The following TDRD9 variants were observed in gnomAD, a reference collection of about 807,000 sequenced individuals.
TDRD9 encodes tudor domain containing 9, also known as ATP-dependent RNA helicase TDRD9.
Under a neutral mutation model 172.6 loss-of-function variants are expected in TDRD9, and 124 were observed. The observed-to-expected ratio is 0.72, with a 90% CI of 0.62 to 0.83. The LOEUF is 0.83. TDRD9 is among the 40% of genes least tolerant of loss of function. The probability of loss-of-function intolerance (pLI) is 0.00; values close to 1 mark genes in which losing one functional copy is unlikely to be tolerated. For synonymous variants in TDRD9, 619 were observed against 617.1 expected, an observed-to-expected ratio of 1.00 and a Z score of -0.05; for missense variants, 1,479 against 1,714.1, an observed-to-expected ratio of 0.86 and a Z score of 2.42.
intron 15 of TDRD9, among the ~76,000 whole-genome samples, chr14:104,006,109 A>C (rs1184736404): frequency 1.3e-5 from 2 of 152,200 alleles, no homozygotes; most frequent in African/African-American, 4.8e-5. Flanking sequence ...AGTACTGTGC[A>C]TGCCATATTT....
At chr14:103,950,044 C>T (rs2031782250) in intron 1 of TDRD9, among the ~76,000 whole-genome samples, 1 of 19,376 alleles carries the variant, frequency 5.2e-5, no homozygotes, top group Non-Finnish European at 4.6e-4. Flanking sequence ...TCCTTCCTTC[C>T]CTTTTTTTTT....
rs368128238 is a variant in TDRD9 at position 103,982,681 on chromosome 14, G to A, written c.1012-3536G>A. ...AGCACTTTGGGAGGCCGAGGCAGGC[G>A]GATCACCTGAGGTTGGGTGTTCGAG... is the stretch of plus-strand genomic sequence containing the variant. On this transcript the variant is annotated intron_variant, in intron 7 of 35. Transcript: ENST00000409874. Among the ~76,000 whole-genome samples the A allele has an allele frequency of 1.7e-3, 257 of 152,264 alleles. 2 individuals carry two copies. Among genetic ancestry groups the A allele is most frequent in the African/African-American group, 6.0e-3 (251 of 41,560 alleles).
chr14:104,008,812 G>A (rs567666978), intron 20 of TDRD9, among the ~76,000 whole-genome samples: 5 of 152,352 alleles, frequency 3.3e-5, no homozygotes, highest in African/African-American at 1.2e-4. Flanking sequence ...TTCTGGGAAA[G>A]CTGAGGTGAG....
At chr14:103,943,565 G>GA (rs1264573787) in intron 1 of TDRD9, among the ~76,000 whole-genome samples, 97 of 144,002 alleles carry the variant, frequency 6.7e-4, no homozygotes, top group African/African-American at 2.4e-3. Context: ...TGCCCAGGCT[G>GA]GTCCGTAAAC....
At chr14:103,941,295 C>G in intron 1 of TDRD9, 1 of 993,738 alleles carries the variant, frequency 1.0e-6, no homozygotes, top group South Asian at 1.7e-5. Flanking sequence ...GACATCTACA[C>G]AGTTAAAGAA....
chr14:103,932,828 A>G (rs1448510732), intron 1 of TDRD9, among the ~76,000 whole-genome samples: 1 of 152,176 alleles, frequency 6.6e-6, no homozygotes, highest in African/African-American at 2.4e-5. Flanking sequence ...CTTAATGATT[A>G]AATCAGCTTA....
intron 5 of TDRD9, among the ~76,000 whole-genome samples, chr14:103,969,217 G>T (rs1254884838): frequency 6.6e-6 from 1 of 151,242 alleles, no homozygotes; most frequent in Non-Finnish European, 1.5e-5. Context: ...CTCCTAAGGG[G>T]CTGAGGTTAT....
intron 13 of TDRD9, among the ~76,000 whole-genome samples, chr14:103,999,646 A>AATCTTTTAATTTT (rs1566771677): frequency 8.7e-6 from 1 of 114,828 alleles, no homozygotes; most frequent in East Asian, 2.5e-4. Flanking sequence ...TTTTTAGAAA[A>AATCTTTTAATTTT]CCTTTTGGGA....
At chr14:103,943,079 C>T (rs572586653) in intron 1 of TDRD9, among the ~76,000 whole-genome samples, 3 of 151,644 alleles carry the variant, frequency 2.0e-5, no homozygotes, top group Non-Finnish European at 4.4e-5. Flanking sequence ...CTTATATTTA[C>T]TATTTAGGTG....
At chr14:104,011,050 A>G (rs1858172227) in intron 20 of TDRD9, among the ~76,000 whole-genome samples, 1 of 152,198 alleles carries the variant, frequency 6.6e-6, no homozygotes. Flanking sequence ...GTTGCCCTAC[A>G]ACAGCTATGA....
chr14:103,994,324 T>C lies in TDRD9; in HGVS notation c.1181-8T>C. On this transcript the variant is annotated splice_region_variant and splice_polypyrimidine_tract_variant and intron_variant, in intron 9 of 35. Transcript: ENST00000409874. ...TTTATTTCCCTCCTCCACTTTTTTC[T>C]TCCCTAGGTCTGGGTGAAATAAATT... The C allele has an allele frequency of 6.2e-7, 1 of 1,612,638 alleles. No individual in the cohort carries two copies. Among genetic ancestry groups the C allele is most frequent in the Non-Finnish European group, 8.5e-7 (1 of 1,178,946 alleles).
At position 104,025,792 on chromosome 14, in the gene TDRD9, A is replaced by G. The variant is rs748114793; in HGVS notation, c.2931+16A>G. 2.5e-6 allele frequency: 4 copies of G among 1,586,570 alleles called. No homozygotes were observed. The South Asian group carries it at 4.4e-5, about 18-fold the overall frequency. On this transcript the variant is annotated intron_variant, in intron 26 of 35. Coordinates refer to ENST00000409874, the MANE Select transcript of TDRD9 (RefSeq NM_153046.3). ...TTCTGCTGAGGTAGGTTTTTCTGTAACAAGTCACTGGAAGGGAAATGAGAC... is the reference window on the plus strand; with the variant it reads ...TTCTGCTGAGGTAGGTTTTTCTGTAGCAAGTCACTGGAAGGGAAATGAGAC...
rs1386317994 is a variant in TDRD9, at chr14:103,955,648, T to C, written c.216-16T>C. 2.6e-6 allele frequency: 4 copies of C among 1,540,508 alleles called. No homozygotes were observed. In the African/African-American group the frequency reaches 4.1e-5, roughly 16 times the overall value. ...CTTTTTGGAAATAGTATACTAACTT[T>C]TACTATTCTTTTCAGGTCACTCAGC... On this transcript the variant is annotated splice_polypyrimidine_tract_variant and intron_variant, in intron 1 of 35. Transcript: ENST00000409874.
In TDRD9 at chr14:103,928,683, T is replaced by C; in HGVS notation, c.174T>C (p.Ala58=). 2 of 1,218,620 alleles carry C rather than the reference T, an allele frequency of 1.6e-6. No homozygotes were observed. Among genetic ancestry groups the C allele is most frequent in the Non-Finnish European group, 2.1e-6 (2 of 970,068 alleles). 75.5% of individuals were successfully genotyped at this position (1,218,620 alleles called of 1,614,324 possible). Reference sequence around the variant, plus strand: ...CTGGTCCCGCGGCCCAGGCTCCGGCTCTGGCCCAAGCTCCGGCCCGGCCGG... The same window carrying C: ...CTGGTCCCGCGGCCCAGGCTCCGGCCCTGGCCCAAGCTCCGGCCCGGCCGG... ...PGAGPAAQAP[A]LAQAPARPAA... The change falls in exon 1 of 36, where the codon GCT becomes GCC. Residue 58 remains alanine, a synonymous_variant. Transcript: ENST00000409874.
chr14:104,047,012 G>A (rs1312378731), intron 34 of TDRD9, among the ~76,000 whole-genome samples: 1 of 152,130 alleles, frequency 6.6e-6, no homozygotes, highest in African/African-American at 2.4e-5. Context: ...TTTTGGATCA[G>A]CTTGTCAGTT....
chr14:104,036,289 A>C (rs940454042), intron 32 of TDRD9, among the ~76,000 whole-genome samples: 27 of 152,292 alleles, frequency 1.8e-4, no homozygotes, highest in Admixed American at 5.2e-4. Flanking sequence ...TTATACATGC[A>C]CTTGTTTCTG....
chr14:104,032,150 C>A, intron 30 of TDRD9, 63 bp downstream of exon 30: 2 of 991,944 alleles, frequency 2.0e-6, no homozygotes, highest in Non-Finnish European at 1.5e-6. Flanking sequence ...TAGATCTCAT[C>A]AGAAAATAAT....
chr14:103,986,256 G>T lies in TDRD9; in HGVS notation c.1051G>T (p.Asp351Tyr). Residue 351 changes from aspartate to tyrosine, a missense_variant, in exon 8 of 36, where the codon GAT (aspartate) becomes TAT (tyrosine). This residue lies in a region of TDRD9 where 1,413 missense variants were observed against 1,649.1 expected (regional missense o/e 0.86). Coordinates refer to ENST00000409874, the MANE Select transcript of TDRD9 (RefSeq NM_153046.3). ...HLLEEPVITK[D>Y]IYEVAVSLIQ... ...CCTGGAGGAACCGGTGATAACTAAG[G>T]ATATATATGAAGTTGCTGTCTCTCT... 1.2e-6 allele frequency: 2 copies of T among 1,613,446 alleles called. No individual in the cohort carries two copies. Among genetic ancestry groups the T allele is most frequent in the Non-Finnish European group, 8.5e-7 (1 of 1,179,664 alleles).
chr14:104,039,412 G>A (rs10144682), intron 32 of TDRD9, among the ~76,000 whole-genome samples: 50,316 of 152,210 alleles, frequency 0.33, 8,498 homozygotes, highest in Middle Eastern at 0.37. Context: ...CACAGTCACA[G>A]CTAGACCACT....
Sources: allele counts gnomAD v4.1 joint callset (sites outside exome capture counted in the v4.1 genomes callset), GRCh38; gene constraint gnomAD v4.1.1; regional missense constraint gnomAD v4.1.1; transcripts MANE v1.5; gene names NCBI Gene and HGNC (gene_info 2026-07-23, HGNC 2026-07-21).